OSBPL9: variants seen among roughly 807,000 people sequenced by gnomAD.
OSBPL9 encodes oxysterol binding protein like 9, also known as oxysterol-binding protein-related protein 9.
OSBPL9 carries 40 observed loss-of-function variants against 106.6 expected under a neutral mutation model. That is an observed-to-expected ratio of 0.38 (90% confidence interval 0.29 to 0.49). The LOEUF (loss-of-function observed/expected upper bound fraction) is 0.49. Among genes scored for constraint, OSBPL9 ranks in the 20% least tolerant of loss-of-function variants. The pLI, the probability that OSBPL9 is intolerant of heterozygous loss-of-function variation, is 0.97. For synonymous variants in OSBPL9, 269 were observed against 295.4 expected (o/e 0.91, Z 0.92); for missense variants, 609 against 887.2 (o/e 0.69, Z 3.98).
intron 4 of OSBPL9, among the ~76,000 whole-genome samples, chr1:51,742,002 G>C (rs1667027035): frequency 6.6e-6 from 1 of 152,182 alleles, no homozygotes; most frequent in Non-Finnish European, 1.5e-5. Flanking sequence ...GCTTGAGGGA[G>C]TAGAGAATAG....
chr1:51,602,222 G>GTGTTAGTCAGGA (rs1645328066), intron 2 of OSBPL9, among the ~76,000 whole-genome samples: 1 of 150,554 alleles, frequency 6.6e-6, no homozygotes, highest in Non-Finnish European at 1.5e-5. Context: ...GGGTTTCACC[G>GTGTTAGTCAGGA]TGGTCTCGAT....
chr1:51,749,977 A>G (rs1199612597), intron 7 of OSBPL9, among the ~76,000 whole-genome samples, 168 bp from the exon 8 acceptor site: 1 of 151,972 alleles, frequency 6.6e-6, no homozygotes, highest in East Asian at 1.9e-4. Context: ...GAATAACTTC[A>G]TTTGGCATTA....
intron 2 of OSBPL9, among the ~76,000 whole-genome samples, chr1:51,652,398 C>T (rs1646573183): frequency 1.3e-5 from 2 of 152,102 alleles, no homozygotes; most frequent in East Asian, 1.9e-4. Flanking sequence ...TGTTAGCTGC[C>T]GCTGCTTTGT....
intron 1 of OSBPL9, among the ~76,000 whole-genome samples, chr1:51,619,559 T>G (rs374714276): frequency 6.6e-6 from 1 of 152,086 alleles, no homozygotes; most frequent in Non-Finnish European, 1.5e-5. Flanking sequence ...AACAGCTGTT[T>G]AGAAGATTTT....
chr1:51,580,260 T>A (rs1645213137), intron 1 of OSBPL9, among the ~76,000 whole-genome samples: 1 of 152,248 alleles, frequency 6.6e-6, no homozygotes, highest in African/African-American at 2.4e-5. Flanking sequence ...GTATATAACC[T>A]GAGTGAATCA....
At chr1:51,708,392 T>C (rs1312546552) in intron 3 of OSBPL9, among the ~76,000 whole-genome samples, 4 of 152,112 alleles carry the variant, frequency 2.6e-5, no homozygotes, top group African/African-American at 9.7e-5. Flanking sequence ...TTTAGAAATA[T>C]TCTGTGTTCT....
chr1:51,540,675 G>C, the OSBPL9 span, among the ~76,000 whole-genome samples: 1 of 143,222 alleles, frequency 7.0e-6, no homozygotes, highest in Non-Finnish European at 1.5e-5. Flanking sequence ...AATTTTTTTT[G>C]TTGGCCAGGT....
At chr1:51,783,614 G>C (rs1475835255) in intron 17 of OSBPL9, among the ~76,000 whole-genome samples, 1 of 152,164 alleles carries the variant, frequency 6.6e-6, no homozygotes, top group Non-Finnish European at 1.5e-5. Context: ...ACACTGGCTG[G>C]GCCTAGGTTG....
the OSBPL9 span, among the ~76,000 whole-genome samples, chr1:51,560,255 G>T: frequency 6.6e-6 from 1 of 152,184 alleles, no homozygotes; most frequent in Non-Finnish European, 1.5e-5. Flanking sequence ...AGGCTCTGTT[G>T]TACAGTGGGT....
intron 15 of OSBPL9, among the ~76,000 whole-genome samples, chr1:51,780,478 A>G (rs895481133): frequency 2.6e-5 from 4 of 152,242 alleles, no homozygotes; most frequent in Non-Finnish European, 4.4e-5. Context: ...ATGCCCATCA[A>G]TCAACAAGCA....
chr1:51,569,771 G>C, the OSBPL9 span: 1 of 152,220 alleles, frequency 6.6e-6, no homozygotes, highest in Non-Finnish European at 1.5e-5. Context: ...AAAGCACAGA[G>C]TCTTCAGGCT....
chr1:51,659,694 A>G (rs903254688), intron 2 of OSBPL9, among the ~76,000 whole-genome samples: 1 of 152,090 alleles, frequency 6.6e-6, no homozygotes, highest in Non-Finnish European at 1.5e-5. Context: ...AAAAAAGAAA[A>G]GTACGTAATA....
chr1:51,736,166 C>T (rs951526004), intron 4 of OSBPL9, among the ~76,000 whole-genome samples: 4 of 152,112 alleles, frequency 2.6e-5, no homozygotes, highest in Admixed American at 6.5e-5. Context: ...GAGAATAAAA[C>T]GAAGTCCTGT....
chr1:51,702,057 T>G (rs557018661), intron 3 of OSBPL9, among the ~76,000 whole-genome samples: 20 of 152,368 alleles, frequency 1.3e-4, no homozygotes, highest in Admixed American at 2.6e-4. Flanking sequence ...TTGTTGGACA[T>G]TTGGGTTGGT....
At chr1:51,691,799 A>G (rs1290350738) in intron 3 of OSBPL9, among the ~76,000 whole-genome samples, 1 of 151,896 alleles carries the variant, frequency 6.6e-6, no homozygotes, top group Non-Finnish European at 1.5e-5. Flanking sequence ...AAACACACAC[A>G]TGATCCTAGG....
chr1:51,649,102 T>TA (rs1646348155), intron 1 of OSBPL9, among the ~76,000 whole-genome samples: 1 of 152,150 alleles, frequency 6.6e-6, no homozygotes, highest in South Asian at 2.1e-4. Context: ...AGCCTCATTT[T>TA]AAAAAATGTT....
chr1:51,735,372 T>C (rs547652393), intron 4 of OSBPL9, among the ~76,000 whole-genome samples: 10 of 152,198 alleles, frequency 6.6e-5, no homozygotes, highest in Non-Finnish European at 1.5e-4. Context: ...TGTAGTCACT[T>C]GATTAAAGAA....
At chr1:51,543,926 G>A in the OSBPL9 span, among the ~76,000 whole-genome samples, 4 of 152,312 alleles carry the variant, frequency 2.6e-5, no homozygotes, top group East Asian at 1.9e-4. Context: ...TCAATTCTAC[G>A]TCCATCAGCA....
intron 2 of OSBPL9, among the ~76,000 whole-genome samples, chr1:51,611,748 G>A (rs1167373616): frequency 6.6e-6 from 1 of 152,140 alleles, no homozygotes; most frequent in African/African-American, 2.4e-5. Context: ...AGGGGTGGGG[G>A]GTGGATCACC....
Sources: allele counts gnomAD v4.1 joint callset (sites outside exome capture counted in the v4.1 genomes callset), GRCh38; gene constraint gnomAD v4.1.1; transcripts MANE v1.5; gene names NCBI Gene and HGNC (gene_info 2026-07-23, HGNC 2026-07-21).